PHACTR3: variants seen among roughly 807,000 people sequenced by gnomAD.
PHACTR3 encodes phosphatase and actin regulator 3, also known as protein phosphatase 1, regulatory subunit 123.
Under a neutral mutation model 66.8 loss-of-function variants are expected in PHACTR3, and 16 were observed. That is an observed-to-expected ratio of 0.24 (90% CI 0.16 to 0.36). PHACTR3 has a LOEUF of 0.36. PHACTR3 is among the 10% of genes least tolerant of loss of function. PHACTR3 has a pLI of 1.00. For missense variants in PHACTR3, 647 were observed against 719.9 expected (o/e 0.90, Z 1.16); for synonymous variants, 323 against 292.1 (o/e 1.11, Z -1.08).
intron 1 of PHACTR3, among the ~76,000 whole-genome samples, chr20:59,622,644 G>A (rs1237467322): frequency 1.3e-5 from 2 of 152,058 alleles, no homozygotes; most frequent in South Asian, 2.1e-4. Flanking sequence ...CCGGCACCTC[G>A]CTGCACACAG....
intron 1 of PHACTR3, among the ~76,000 whole-genome samples, chr20:59,670,814 G>A (rs1020320375): frequency 6.6e-6 from 1 of 152,164 alleles, no homozygotes; most frequent in Admixed American, 6.5e-5. Flanking sequence ...CCCAGATGGT[G>A]CTGTGGTTTC....
rs952530020 is a variant in PHACTR3 at position 59,594,013 on chromosome 20, A to C, written c.109+16396A>C. The stretch of plus-strand genomic sequence containing the variant: ...TTTTGCCTCTCCATATAAACCTTAG[A>C]TTCAGTTTGTGAATAGTCACAACTG... On this transcript the variant is annotated intron_variant, in intron 1 of 12. Coordinates refer to the PHACTR3 transcript ENST00000359926. Among the ~76,000 whole-genome samples the C allele has an allele frequency of 5.3e-5, 8 of 152,346 alleles. No homozygotes were observed. The East Asian group carries it at 1.2e-3, about 22-fold the overall frequency.
Position 59,773,436 on chromosome 20 carries a change from G to A in PHACTR3, c.909G>A (p.Thr303=), listed in dbSNP as rs375248638. ...VIEELHRALA[T]KHRQDSFQGR... is the part of the protein sequence containing the mutation. ...AGGAGCTGCACAGGGCGCTGGCCAC[G>A]AAGCACCGCCAGGACAGGTGAGGCC... The change falls in exon 6 of 13, where the codon ACG becomes ACA. Residue 303 remains threonine (T), a synonymous_variant. Coordinates refer to ENST00000371015, the MANE Select transcript of PHACTR3 (RefSeq NM_080672.5). The A allele has an allele frequency of 3.7e-6, 6 of 1,611,742 alleles. No individual in the cohort carries two copies. Among genetic ancestry groups the A allele is most frequent in the Admixed American group, 3.3e-5 (2 of 59,760 alleles).
chr20:59,688,937 A>C (rs528383104), intron 1 of PHACTR3, among the ~76,000 whole-genome samples: 33 of 152,078 alleles, frequency 2.2e-4, no homozygotes, highest in Non-Finnish European at 4.4e-4. Flanking sequence ...GGGAACGCTA[A>C]TTTCTGTTAT....
rs2042313467 is a variant in PHACTR3 at position 59,830,169 on chromosome 20, AAGAGGGTGTG to A, written c.1329-6335_1329-6326del. On this transcript the variant is annotated intron_variant, in intron 8 of 12. Coordinates refer to ENST00000371015, the MANE Select transcript of PHACTR3 (RefSeq NM_080672.5). This position sits in a 1 kb window ranked among gnomAD's most constrained non-coding sequence, Gnocchi z 5.8. ...ACAGGAGCATGTGCGTGTCTGGTGG[AAGAGGGTGTG>A]CGTGTCTGATGGAAGAGGGTATGAG... Among the ~76,000 whole-genome samples the A allele has an allele frequency of 6.6e-6, 1 of 151,562 alleles. No individual in the cohort carries two copies. Among genetic ancestry groups the A allele is most frequent in the African/African-American group, 2.4e-5 (1 of 40,948 alleles).
At chr20:59,751,733 C>T (rs1450573535) in intron 3 of PHACTR3, among the ~76,000 whole-genome samples, 1 of 152,084 alleles carries the variant, frequency 6.6e-6, no homozygotes, top group Non-Finnish European at 1.5e-5. Flanking sequence ...AGGAAGGACC[C>T]TGCTGGTGGC....
At chr20:59,608,737 CTCTGAGCTCCAGACCTCTGTGT>C (rs2033750953) in intron 1 of PHACTR3, among the ~76,000 whole-genome samples, 1 of 152,246 alleles carries the variant, frequency 6.6e-6, no homozygotes, top group South Asian at 2.1e-4. Context: ...AACTCTCTGG[CTCTGAGCTCCAGACCTCTGTGT>C]TCTGCCCGGT....
chr20:59,609,312 G>A (rs1013826087), intron 1 of PHACTR3, among the ~76,000 whole-genome samples: 10 of 152,000 alleles, frequency 6.6e-5, no homozygotes. Flanking sequence ...CAGCAGACAG[G>A]TGTGGGCTTG....
chr20:59,673,897 G>A (rs1330817770), intron 1 of PHACTR3, among the ~76,000 whole-genome samples: 4 of 152,150 alleles, frequency 2.6e-5, no homozygotes, highest in African/African-American at 7.2e-5. Context: ...CAGTGGAAGA[G>A]GAGAAGAGCC....
chr20:59,694,800 A>G (rs1349127900), intron 1 of PHACTR3, among the ~76,000 whole-genome samples: 2 of 152,124 alleles, frequency 1.3e-5, no homozygotes, highest in Non-Finnish European at 2.9e-5. Flanking sequence ...CTCAGCATGG[A>G]AGACACAGCA....
At chr20:59,783,297 G>T (rs892047926) in intron 7 of PHACTR3, among the ~76,000 whole-genome samples, 2 of 152,208 alleles carry the variant, frequency 1.3e-5, no homozygotes, top group Non-Finnish European at 2.9e-5. Flanking sequence ...GTCTCAGGAC[G>T]ACCTGGTGGG....
chr20:59,722,421 C>T (rs1287519627), intron 1 of PHACTR3, among the ~76,000 whole-genome samples: 1 of 152,002 alleles, frequency 6.6e-6, no homozygotes, highest in Admixed American at 6.5e-5. Flanking sequence ...CCTGAGGCAG[C>T]AACAAACAGG....
At chr20:59,795,116 T>C (rs1423335516) in intron 7 of PHACTR3, among the ~76,000 whole-genome samples, 1 of 152,152 alleles carries the variant, frequency 6.6e-6, no homozygotes, top group Non-Finnish European at 1.5e-5. Context: ...TTTTTTGATG[T>C]AGGCAATTGT....
chr20:59,842,669 G>A (rs1284272402), intron 11 of PHACTR3, among the ~76,000 whole-genome samples: 4 of 152,124 alleles, frequency 2.6e-5, no homozygotes, highest in African/African-American at 9.7e-5. Flanking sequence ...AAGTTAGAAA[G>A]GCTTATTTCT....
At chr20:59,672,677 C>T (rs995771460) in intron 1 of PHACTR3, among the ~76,000 whole-genome samples, 8 of 152,202 alleles carry the variant, frequency 5.3e-5, no homozygotes, top group Non-Finnish European at 7.3e-5. Context: ...CCTGACTCAG[C>T]GGTGTGGTTC....
rs1289517013 is a variant in PHACTR3 at position 59,755,169 on chromosome 20, C to T, written c.359-13C>T. The T allele has an allele frequency of 1.2e-6, 2 of 1,609,448 alleles. No homozygotes were observed. The highest frequency in any genetic ancestry group is 2.2e-5 in the East Asian group (1 of 44,858). On this transcript the variant is annotated splice_polypyrimidine_tract_variant and intron_variant, in intron 3 of 12. Transcript: ENST00000371015. The stretch of plus-strand genomic sequence containing the variant: ...GAGGTGCAGGCCCAGCTGACAGCTA[C>T]ATTTCCTTGTAGATGCTGAAAGCAA...
intron 4 of PHACTR3, among the ~76,000 whole-genome samples, chr20:59,762,111 C>T (rs563535784): frequency 1.6e-4 from 24 of 152,278 alleles, no homozygotes; most frequent in African/African-American, 4.3e-4. Flanking sequence ...TGCTGAAAAC[C>T]GTCTCCTGTC....
chr20:59,617,247 A>G (rs1568936585), intron 1 of PHACTR3, among the ~76,000 whole-genome samples: 2 of 152,186 alleles, frequency 1.3e-5, no homozygotes, highest in African/African-American at 4.8e-5. Flanking sequence ...CCATGTTCCC[A>G]TAAAAAAATT....
intron 8 of PHACTR3, among the ~76,000 whole-genome samples, chr20:59,819,801 G>A (rs1408126195): frequency 2.7e-5 from 4 of 150,782 alleles, no homozygotes; most frequent in Non-Finnish European, 4.4e-5. Context: ...TGGCTGGGCC[G>A]GTGCTGTCCC....
Sources: allele counts gnomAD v4.1 joint callset (sites outside exome capture counted in the v4.1 genomes callset), GRCh38; gene constraint gnomAD v4.1.1; non-coding constraint Gnocchi (gnomAD v3.1); transcripts MANE v1.5; gene names NCBI Gene and HGNC (gene_info 2026-07-23, HGNC 2026-07-21).